The following DGKG variants were observed in gnomAD, a reference collection of about 807,000 sequenced individuals.
DGKG encodes the protein diacylglycerol kinase gamma, also known as DAG kinase gamma.
A neutral mutation model predicts 105.3 loss-of-function variants in DGKG; 78 were observed. That is an observed-to-expected ratio of 0.74 (90% CI 0.62 to 0.89). DGKG has a LOEUF of 0.89. Ranked by LOEUF, DGKG falls within the 40% of genes least tolerant of loss-of-function variation. The pLI is 0.00. For missense variants in DGKG, 958 were observed against 1,020.1 expected (o/e 0.94, Z 0.83); for synonymous variants, 346 against 367.1 (o/e 0.94, Z 0.66).
chr3:186,318,460 C>A (rs577183030), intron 2 of DGKG, among the ~76,000 whole-genome samples: 1 of 152,166 alleles, frequency 6.6e-6, no homozygotes, highest in South Asian at 2.1e-4. Flanking sequence ...CCTCTGTTAT[C>A]GGTTCAACCG....
At chr3:186,213,264 T>C (rs752874768) in intron 20 of DGKG, among the ~76,000 whole-genome samples, 9 of 152,266 alleles carry the variant, frequency 5.9e-5, no homozygotes, top group African/African-American at 9.6e-5. Flanking sequence ...TCTCAACCCA[T>C]GTGCTGTGGC....
At chr3:186,153,965 C>G (rs559928465) in intron 24 of DGKG, among the ~76,000 whole-genome samples, 4 of 152,054 alleles carry the variant, frequency 2.6e-5, no homozygotes, top group Admixed American at 6.6e-5. Context: ...ATTAGCTAGA[C>G]GTGGAGGCGC....
chr3:186,229,074 G>A (rs1227667320), intron 20 of DGKG, among the ~76,000 whole-genome samples: 6 of 152,138 alleles, frequency 3.9e-5, no homozygotes, highest in African/African-American at 9.7e-5. Flanking sequence ...AGATACAGAG[G>A]GAGAAGGCCG....
chr3:186,206,745 C>CTT (rs1718760540), intron 21 of DGKG, among the ~76,000 whole-genome samples: 1 of 149,960 alleles, frequency 6.7e-6, no homozygotes, highest in African/African-American at 2.5e-5. Context: ...ATGCTGGCTT[C>CTT]TTTTTTGTTT....
At chr3:186,164,830 C>T in intron 23 of DGKG, 68 bp downstream of exon 23, 2 of 1,515,450 alleles carry the variant, frequency 1.3e-6, no homozygotes, top group Non-Finnish European at 1.8e-6. Context: ...GATGGCTTCT[C>T]AGTTGTCTGC....
At chr3:186,301,392 C>T (rs1723913763) in intron 3 of DGKG, among the ~76,000 whole-genome samples, 1 of 152,202 alleles carries the variant, frequency 6.6e-6, no homozygotes, top group South Asian at 2.1e-4. Flanking sequence ...CTTTGGGAGG[C>T]CGAGGCAGGC....
rs201791341 is a variant in DGKG at position 186,188,305 on chromosome 3, G to A, written c.1992C>T (p.Tyr664=). Residue 664 remains tyrosine, a synonymous_variant, in exon 22 of 25, where the codon TAC becomes TAT. Coordinates refer to ENST00000265022, the MANE Select transcript of DGKG (RefSeq NM_001346.3). ...TTTCTCCCCAGAGATTGGTGCCTCC[G>A]TACATGCTGGGAATGTTGAGAATGG... is the stretch of plus-strand genomic sequence containing the variant. The part of the protein sequence containing the change: ...GIAILNIPSM[Y]GGTNLWGENK... The A allele has an allele frequency of 2.3e-5, 37 of 1,614,142 alleles. No individual in the cohort carries two copies. In the African/African-American group the frequency reaches 3.3e-4, roughly 15 times the overall value.
At chr3:186,193,649 C>T (rs960570344) in intron 21 of DGKG, among the ~76,000 whole-genome samples, 2 of 152,256 alleles carry the variant, frequency 1.3e-5, no homozygotes, top group Admixed American at 1.3e-4. Flanking sequence ...ACGTGGAAGG[C>T]AGCCGTGCCG....
chr3:186,166,743 G>C (rs1031161326), intron 22 of DGKG, among the ~76,000 whole-genome samples: 5 of 151,956 alleles, frequency 3.3e-5, no homozygotes, highest in African/African-American at 1.2e-4. Context: ...GAGGGGGTTT[G>C]AGGGTTGATG....
rs536450502 is a variant in DGKG, at chr3:186,263,389, A to G, written c.1270-1611T>C. Reference sequence around the variant, plus strand: ...CGAGACCAGCCTGGCCAATATGGTGAAACCCCATCTCTACTAAAAATACAA... The same window carrying G: ...CGAGACCAGCCTGGCCAATATGGTGGAACCCCATCTCTACTAAAAATACAA... On this transcript the variant is annotated intron_variant, in intron 14 of 24. Transcript: ENST00000265022. 6.6e-5 allele frequency among the ~76,000 whole-genome samples: 10 copies of G among 152,142 alleles called. 1 individual carries two copies. In the South Asian group the frequency reaches 2.1e-3, roughly 32 times the overall value.
chr3:186,312,728 T>C (rs913687279), intron 2 of DGKG, among the ~76,000 whole-genome samples: 8 of 152,298 alleles, frequency 5.3e-5, no homozygotes, highest in African/African-American at 1.7e-4. Flanking sequence ...TACAGTGAGA[T>C]GCACAAAAAC....
In DGKG at chr3:186,257,859, C is replaced by T. The variant is rs952354055; in HGVS notation, c.1505G>A (p.Cys502Tyr). 14 of 1,613,398 alleles carry T rather than the reference C, an allele frequency of 8.7e-6. No homozygotes were observed. The Middle Eastern group carries it at 4.9e-4, about 57-fold the overall frequency. ...CCCTCTCAGCCCATGCTTACCAATG[C>T]AATCCAAAATCCAGCCAACTGTCCC... ...GDGTVGWILD[C>Y]IDKANFAKHP... Residue 502 changes from cysteine to tyrosine, a missense_variant, in exon 17 of 25, where the codon TGC becomes TAC. This residue lies in a region of DGKG where 315 missense variants were observed against 400.6 expected (regional missense o/e 0.79). Coordinates refer to ENST00000265022, the MANE Select transcript of DGKG (RefSeq NM_001346.3).
chr3:186,271,908 G>A (rs1578757194), intron 11 of DGKG, among the ~76,000 whole-genome samples: 1 of 152,126 alleles, frequency 6.6e-6, no homozygotes, highest in African/African-American at 2.4e-5. Context: ...AACTTGCCCC[G>A]TGCTTCCACT....
chr3:186,353,572 T>C (rs1157587277), intron 1 of DGKG, among the ~76,000 whole-genome samples: 1 of 139,172 alleles, frequency 7.2e-6, no homozygotes, highest in African/African-American at 2.6e-5. Flanking sequence ...TATGTATATA[T>C]ATATATATAT....
chr3:186,174,650 G>A (rs990378266), intron 22 of DGKG, among the ~76,000 whole-genome samples: 22 of 104,056 alleles, frequency 2.1e-4, no homozygotes, highest in East Asian at 2.7e-4. Flanking sequence ...CTTTCCCTGC[G>A]GCTGTGTGTG....
chr3:186,247,809 G>T (rs1412491595), intron 19 of DGKG, among the ~76,000 whole-genome samples: 2 of 152,136 alleles, frequency 1.3e-5, no homozygotes, highest in African/African-American at 2.4e-5. Context: ...TTACAAGAAA[G>T]ATATTGTGAA....
chr3:186,228,615 C>T (rs1429084861), intron 20 of DGKG, among the ~76,000 whole-genome samples: 2 of 152,200 alleles, frequency 1.3e-5, no homozygotes, highest in Admixed American at 6.5e-5. Flanking sequence ...CCGGCCTCTC[C>T]GCTCATGTCC....
rs1358478566 is a variant in DGKG, at chr3:186,147,603, C to T, written c.*2487G>A. Reference sequence around the variant, plus strand: ...TAAGAAGGACTTGGGATATGTCTCTCAAGCAACATTGCAAGTCCTGTGCAC... The same window carrying T: ...TAAGAAGGACTTGGGATATGTCTCTTAAGCAACATTGCAAGTCCTGTGCAC... On this transcript the variant is annotated 3_prime_UTR_variant, in exon 25 of 25. Coordinates refer to ENST00000265022, the MANE Select transcript of DGKG (RefSeq NM_001346.3). 2 of 985,322 alleles carry T rather than the reference C, an allele frequency of 2.0e-6. No individual in the cohort carries two copies. Among genetic ancestry groups the T allele is most frequent in the East Asian group, 1.1e-4 (1 of 8,828 alleles). 61.0% of individuals were successfully genotyped at this position (985,322 alleles called of 1,614,324 possible).
intron 18 of DGKG, among the ~76,000 whole-genome samples, chr3:186,252,735 T>G (rs1469101906): frequency 1.3e-5 from 2 of 152,182 alleles, no homozygotes; most frequent in Non-Finnish European, 2.9e-5. Context: ...AGAAAACATC[T>G]AAGTGAGCAC....
Sources: allele counts gnomAD v4.1 joint callset (sites outside exome capture counted in the v4.1 genomes callset), GRCh38; gene constraint gnomAD v4.1.1; regional missense constraint gnomAD v4.1.1; transcripts MANE v1.5; gene names NCBI Gene and HGNC (gene_info 2026-07-23, HGNC 2026-07-21).